ARHGEF18: variants seen among roughly 807,000 people sequenced by gnomAD.
ARHGEF18 encodes the protein rho guanine nucleotide exchange factor 18.
ARHGEF18 carries 93 observed loss-of-function variants against 155.7 expected under a neutral mutation model. The observed-to-expected ratio is 0.60, with a 90% CI of 0.50 to 0.71. The LOEUF (loss-of-function observed/expected upper bound fraction) is 0.71. Ranked by LOEUF, ARHGEF18 falls within the 30% of genes least tolerant of loss-of-function variation. ARHGEF18 has a pLI of 0.00. For synonymous variants in ARHGEF18, 742 were observed against 753.1 expected (o/e 0.99, Z 0.24); for missense variants, 1,593 against 1,816.1 (o/e 0.88, Z 2.23).
chr19:7,388,581 TTTTA>T (rs1396377687), intron 10 of ARHGEF18, among the ~76,000 whole-genome samples: 8 of 152,078 alleles, frequency 5.3e-5, no homozygotes, highest in East Asian at 1.9e-4. Context: ...TTATTTTTAT[TTTTA>T]TTTATTTATT....
rs561344585 is a variant in ARHGEF18 at position 7,450,969 on chromosome 19, C to T, written c.1738-180C>T. On this transcript the variant is annotated intron_variant, in intron 15 of 28. Coordinates refer to ENST00000668164, the MANE Select transcript of ARHGEF18 (RefSeq NM_001367823.1). ...GATGTTAATGCGGGATCTTGCTGTC[C>T]GTTTCCGAGATGTTAATGCAGGATC... is the stretch of plus-strand genomic sequence containing the variant. Among the ~76,000 whole-genome samples the T allele has an allele frequency of 4.8e-3, 714 of 148,222 alleles. 1 individual carries two copies. Among genetic ancestry groups the T allele is most frequent in the African/African-American group, 0.017 (673 of 40,370 alleles).
At chr19:7,423,126 T>A (rs1973459312) in intron 10 of ARHGEF18, among the ~76,000 whole-genome samples, 1 of 152,160 alleles carries the variant, frequency 6.6e-6, no homozygotes, top group Admixed American at 6.6e-5. Context: ...CGGGAGGAGC[T>A]AAGCCCCAGT....
Position 7,463,965 on chromosome 19 carries a change from G to T in ARHGEF18, c.2773+10G>T. 1 of 1,571,834 alleles carries T rather than the reference G, an allele frequency of 6.4e-7. No homozygotes were observed. Among genetic ancestry groups the T allele is most frequent in the Non-Finnish European group, 8.6e-7 (1 of 1,158,384 alleles). ...AACAGCCCCACCAAGAGTAAGAGCG[G>T]GGCCGTCTCCCCTCCTGCCTCCAGG... On this transcript the variant is annotated intron_variant, in intron 22 of 28. Coordinates refer to ENST00000668164, the MANE Select transcript of ARHGEF18 (RefSeq NM_001367823.1). This position sits in a 1 kb window ranked among gnomAD's most constrained non-coding sequence, Gnocchi z 5.2.
At chr19:7,455,550 C>A (rs900127983) in intron 17 of ARHGEF18, among the ~76,000 whole-genome samples, 5 of 152,200 alleles carry the variant, frequency 3.3e-5, no homozygotes, top group African/African-American at 1.2e-4. Context: ...GAGACCACCC[C>A]TGGCCTGCAT....
chr19:7,474,754 A>AGAGTGTGTGTGTGTGTGTGT (rs1555733264), downstream of ARHGEF18, among the ~76,000 whole-genome samples: 1 of 141,970 alleles, frequency 7.0e-6, no homozygotes, highest in African/African-American at 2.7e-5. Context: ...TGGGCATTGG[A>AGAGTGTGTGTGTGTGTGTGT]GTGTGTGTGT....
intron 10 of ARHGEF18, among the ~76,000 whole-genome samples, chr19:7,411,300 T>TC (rs1972673271): frequency 4.1e-5 from 2 of 48,972 alleles, no homozygotes; most frequent in Admixed American, 2.7e-4. Context: ...CCCCTCCCCT[T>TC]CCCTTTTCTT....
intron 10 of ARHGEF18, among the ~76,000 whole-genome samples, chr19:7,410,397 C>T (rs10426798): frequency 0.18 from 27,078 of 151,120 alleles, 5,549 homozygotes; most frequent in African/African-American, 0.51. Flanking sequence ...TATATATATA[C>T]ACACACACAT....
At chr19:7,382,739 G>A in intron 8 of ARHGEF18, 53 bp from the exon 9 acceptor site, 1 of 1,203,630 alleles carries the variant, frequency 8.3e-7, no homozygotes, top group Non-Finnish European at 1.0e-6. Context: ...CCACAGGGCT[G>A]CCTCAGAATG....
chr19:7,404,878 A>G (rs1053700565), intron 10 of ARHGEF18, among the ~76,000 whole-genome samples: 1 of 152,144 alleles, frequency 6.6e-6, no homozygotes, highest in Non-Finnish European at 1.5e-5. Context: ...CCGTGATCCA[A>G]TGGGCACACG....
rs140253654 is a variant in ARHGEF18 at position 7,370,054 on chromosome 19, G to A, written c.16-2758G>A. On this transcript the variant is annotated intron_variant, in intron 2 of 28. Coordinates refer to ENST00000668164, the MANE Select transcript of ARHGEF18 (RefSeq NM_001367823.1). The stretch of plus-strand genomic sequence containing the variant: ...TCTACTGAAAATAGAAAAATCAGCC[G>A]GGCATGGTGGTGCACACCTGTAATC... Among the ~76,000 whole-genome samples the A allele has an allele frequency of 6.0e-3, 907 of 151,998 alleles. 5 individuals are homozygous for A. The highest frequency in any genetic ancestry group is 8.4e-3 in the Non-Finnish European group (573 of 67,980).
intron 20 of ARHGEF18, among the ~76,000 whole-genome samples, chr19:7,461,889 G>A (rs1355643370): frequency 1.3e-5 from 2 of 152,114 alleles, no homozygotes; most frequent in Non-Finnish European, 2.9e-5. Context: ...CAGGCCGCAA[G>A]AGTCCTCCTA....
chr19:7,409,795 A>C (rs1323137251), intron 10 of ARHGEF18, among the ~76,000 whole-genome samples: 2 of 111,222 alleles, frequency 1.8e-5, no homozygotes, highest in Non-Finnish European at 3.5e-5. Context: ...ATTGAGATGG[A>C]GTCTCACTCT....
chr19:7,464,849 C>T (rs1023836790), intron 23 of ARHGEF18, among the ~76,000 whole-genome samples, 159 bp downstream of exon 23: 5 of 152,188 alleles, frequency 3.3e-5, no homozygotes, highest in Non-Finnish European at 7.3e-5. Context: ...GATTAATGCA[C>T]TGGCAGGTGA....
chr19:7,479,241 T>C, the ARHGEF18 span, among the ~76,000 whole-genome samples: 1 of 152,092 alleles, frequency 6.6e-6, no homozygotes, highest in Non-Finnish European at 1.5e-5. Context: ...CCCGGGACTT[T>C]GGGAGGCCAA....
rs1177528787 is a variant in ARHGEF18 at position 7,412,508 on chromosome 19, A to G, written c.968-27836A>G. Among the ~76,000 whole-genome samples the G allele has an allele frequency of 2.0e-5, 3 of 151,662 alleles. No homozygotes were observed. In the East Asian group the frequency reaches 5.9e-4, roughly 30 times the overall value. ...TGTAATCCCAGCACTTTGGGAGACGAAGGTGGGCGGATCACCTGAGGTCAG... is the reference window on the plus strand; with the variant it reads ...TGTAATCCCAGCACTTTGGGAGACGGAGGTGGGCGGATCACCTGAGGTCAG... On this transcript the variant is annotated intron_variant, in intron 10 of 28. Coordinates refer to ENST00000668164, the MANE Select transcript of ARHGEF18 (RefSeq NM_001367823.1).
At chr19:7,432,560 C>T (rs903181667) in intron 10 of ARHGEF18, among the ~76,000 whole-genome samples, 2 of 152,162 alleles carry the variant, frequency 1.3e-5, no homozygotes, top group Admixed American at 6.5e-5. Context: ...ACTGCAGTCT[C>T]GACCTGCTGG....
At chr19:7,374,228 A>C (rs1205252068) in intron 3 of ARHGEF18, among the ~76,000 whole-genome samples, 1 of 152,066 alleles carries the variant, frequency 6.6e-6, no homozygotes, top group Non-Finnish European at 1.5e-5. Context: ...GACTAGTACC[A>C]GTCTGTGGCC....
chr19:7,384,717 G>T (rs1471842533), intron 10 of ARHGEF18, among the ~76,000 whole-genome samples: 1 of 149,928 alleles, frequency 6.7e-6, no homozygotes, highest in Non-Finnish European at 1.5e-5. Flanking sequence ...TTTGCGACAG[G>T]GTCTCACTCT....
At chr19:7,452,251 G>A (rs1975527590) in intron 16 of ARHGEF18, among the ~76,000 whole-genome samples, 1 of 152,190 alleles carries the variant, frequency 6.6e-6, no homozygotes, top group Non-Finnish European at 1.5e-5. Flanking sequence ...GCTGAGCAAG[G>A]GATGTGTCTG....
Sources: allele counts gnomAD v4.1 joint callset (sites outside exome capture counted in the v4.1 genomes callset), GRCh38; gene constraint gnomAD v4.1.1; non-coding constraint Gnocchi (gnomAD v3.1); transcripts MANE v1.5; gene names NCBI Gene and HGNC (gene_info 2026-07-23, HGNC 2026-07-21).